Variants in NID1 observed in about 807,000 individuals in gnomAD.
The protein encoded by NID1 is nidogen-1.
Under a neutral mutation model 130.6 loss-of-function variants are expected in NID1, and 76 were observed. The observed-to-expected ratio is 0.58, with a 90% CI of 0.48 to 0.70. The LOEUF is 0.70. Among genes scored for constraint, NID1 ranks in the 30% least tolerant of loss-of-function variants. The probability of loss-of-function intolerance (pLI) is 0.00; values close to 1 mark genes in which losing one functional copy is unlikely to be tolerated. For missense variants in NID1, 1,517 were observed against 1,664.8 expected (o/e 0.91, Z 1.54); for synonymous variants, 665 against 675.1 (o/e 0.98, Z 0.23).
intron 12 of NID1, among the ~76,000 whole-genome samples, chr1:236,005,046 C>T (rs55670738): frequency 0.045 from 6,887 of 151,442 alleles, 513 homozygotes; most frequent in African/African-American, 0.16. Context: ...TGGTGGCGTG[C>T]GCCTGAGTCA....
At chr1:235,984,566 T>C (rs1385002155) in intron 15 of NID1, among the ~76,000 whole-genome samples, 1 of 152,230 alleles carries the variant, frequency 6.6e-6, no homozygotes, top group Non-Finnish European at 1.5e-5. Flanking sequence ...GTATCTTTGA[T>C]GTGAATATTT....
intron 12 of NID1, among the ~76,000 whole-genome samples, chr1:235,996,841 CT>C (rs1558425959): frequency 1.3e-5 from 2 of 151,386 alleles, no homozygotes; most frequent in African/African-American, 2.4e-5. Context: ...GACTCCTGTG[CT>C]TTTTTTTCTG....
Position 235,985,259 on chromosome 1 carries a change from C to A in NID1, c.3055+120G>T, listed in dbSNP as rs75206110. 5,348 of 1,072,024 alleles carry A rather than the reference C, an allele frequency of 5.0e-3. 156 individuals carry two copies. In the African/African-American group the frequency reaches 0.07, roughly 14 times the overall value. 66.4% of individuals were successfully genotyped at this position (1,072,024 alleles called of 1,614,324 possible). A position where few individuals can be genotyped will look rare whatever the true frequency, so the allele number is the denominator to read the frequency against. ...TACACACTTTATCGTAGTAATGCAA[C>A]AAAAGACTGAGAAATGTTTGTGAAA... is the stretch of plus-strand genomic sequence containing the variant. On this transcript the variant is annotated intron_variant, in intron 15 of 19. Coordinates refer to ENST00000264187, the MANE Select transcript of NID1 (RefSeq NM_002508.3).
intron 5 of NID1, among the ~76,000 whole-genome samples, chr1:236,034,673 G>A (rs923309104): frequency 2.0e-5 from 3 of 152,094 alleles, no homozygotes; most frequent in Non-Finnish European, 2.9e-5. Flanking sequence ...TAATGGACAC[G>A]GTGTTTCTTT....
At chr1:236,032,319 G>C in intron 6 of NID1, 82 bp downstream of exon 6, 2 of 1,529,718 alleles carry the variant, frequency 1.3e-6, no homozygotes, top group Non-Finnish European at 8.9e-7. Context: ...TGCAGACTCA[G>C]AGTTCTCCTT....
intron 10 of NID1, among the ~76,000 whole-genome samples, chr1:236,014,680 T>C (rs1367608492): frequency 6.6e-6 from 1 of 152,164 alleles, no homozygotes; most frequent in Non-Finnish European, 1.5e-5. Context: ...CTACAGCTTT[T>C]TGCCTAAGCC....
chr1:236,060,313 T>C (rs1660005526), intron 1 of NID1, among the ~76,000 whole-genome samples: 1 of 152,138 alleles, frequency 6.6e-6, no homozygotes, highest in Non-Finnish European at 1.5e-5. Flanking sequence ...GTAGTGAGGA[T>C]GACCAGAGGT....
intron 3 of NID1, among the ~76,000 whole-genome samples, chr1:236,043,427 T>C (rs564823805): frequency 1.4e-4 from 21 of 151,968 alleles, no homozygotes; most frequent in Admixed American, 1.2e-3. Flanking sequence ...AGAGAATTGG[T>C]TGGTGTGGGA....
At chr1:235,994,100 T>C (rs186961845) in intron 12 of NID1, among the ~76,000 whole-genome samples, 1 of 152,266 alleles carries the variant, frequency 6.6e-6, no homozygotes, top group Non-Finnish European at 1.5e-5. Context: ...TAGTTCCTTT[T>C]AAAACACTTT....
At position 236,042,303 on chromosome 1, in the gene NID1, G is replaced by T. The variant is rs1388200503; in HGVS notation, c.753-11C>A. On this transcript the variant is annotated splice_polypyrimidine_tract_variant and intron_variant, in intron 3 of 19. Transcript: ENST00000264187. ...CCAGAGTTACTACTCCTAGGAGGAA[G>T]GACAGGCTTCTTAGAAACAGGCCAG... is the stretch of plus-strand genomic sequence containing the variant. 1.3e-6 allele frequency: 2 copies of T among 1,594,932 alleles called. No homozygotes were observed. Among genetic ancestry groups the T allele is most frequent in the Non-Finnish European group, 1.7e-6 (2 of 1,176,210 alleles).
At chr1:236,014,217 T>G (rs2385050) in intron 10 of NID1, among the ~76,000 whole-genome samples, 1 of 145,582 alleles carries the variant, frequency 6.9e-6, no homozygotes, top group Non-Finnish European at 1.5e-5. Flanking sequence ...CCCCACCCCC[T>G]CAACTCTCTC....
At chr1:236,038,059 G>T in intron 5 of NID1, 45 bp downstream of exon 5, 3 of 1,562,770 alleles carry the variant, frequency 1.9e-6, no homozygotes, top group Non-Finnish European at 2.6e-6. Flanking sequence ...CAAAAACTCC[G>T]CTCCTCCTTC....
rs1659124565 is a variant in NID1 at position 236,032,416 on chromosome 1, C to A, written c.1522G>T (p.Gly508Trp). ...FAVEQDGFKNGFSITGGEFTR... is the reference protein window; with the variant it reads ...FAVEQDGFKNWFSITGGEFTR... ...TATAAATTACCGGTGATGCTGAACC[C>A]ATTCTTGAATCCGTCCTGCTCCACT... The change falls in exon 6 of 20, where the codon GGG becomes TGG. Residue 508 changes from glycine (G) to tryptophan (W), a missense_variant. Coordinates refer to ENST00000264187, the MANE Select transcript of NID1 (RefSeq NM_002508.3). 6.2e-7 allele frequency: 1 copy of A among 1,613,904 alleles called. No individual in the cohort carries two copies. Among genetic ancestry groups the A allele is most frequent in the African/African-American group, 1.3e-5 (1 of 74,912 alleles).
chr1:236,019,971 A>T (rs188159662), intron 9 of NID1, among the ~76,000 whole-genome samples: 71 of 136,196 alleles, frequency 5.2e-4, no homozygotes, highest in African/African-American at 1.9e-3. Context: ...CAGGGGGTGG[A>T]GGTTGCAGTG....
chr1:236,023,715 GCAC>G (rs1658837057), intron 9 of NID1, among the ~76,000 whole-genome samples: 1 of 152,132 alleles, frequency 6.6e-6, no homozygotes. Context: ...ATGTTGTGAA[GCAC>G]TTAGTTCAAA....
intron 1 of NID1, among the ~76,000 whole-genome samples, chr1:236,055,306 AAAT>A (rs573471764): frequency 1.4e-4 from 21 of 151,262 alleles, no homozygotes; most frequent in African/African-American, 3.2e-4. Flanking sequence ...TCCATCTCAA[AAAT>A]AATAATAATA....
intron 12 of NID1, among the ~76,000 whole-genome samples, chr1:236,002,671 G>A (rs1658112437): frequency 6.6e-6 from 1 of 152,180 alleles, no homozygotes; most frequent in Non-Finnish European, 1.5e-5. Flanking sequence ...CCAAGCATTG[G>A]TGAGGACGGT....
At chr1:235,978,814 C>T (rs539312391) in intron 19 of NID1, among the ~76,000 whole-genome samples, 181 bp downstream of exon 19, 1 of 152,224 alleles carries the variant, frequency 6.6e-6, no homozygotes, top group Admixed American at 6.5e-5. Context: ...AACTTCATGA[C>T]CTAATATTTT....
chr1:236,043,445 C>A (rs10927324), intron 3 of NID1, among the ~76,000 whole-genome samples: 37,053 of 151,682 alleles, frequency 0.24, 5,198 homozygotes, highest in Admixed American at 0.36. Flanking sequence ...GGAAAAAAAA[C>A]CCCACCCATT....
Sources: gnomAD v4.1 joint callset for allele counts (sites outside exome capture counted in the v4.1 genomes callset) on GRCh38, gnomAD v4.1.1 for gene constraint, MANE v1.5 for transcripts, NCBI Gene and HGNC (gene_info 2026-07-23, HGNC 2026-07-21) for gene names.